The following PVALB variants were observed in gnomAD, a reference collection of about 807,000 sequenced individuals.
The protein encoded by PVALB is parvalbumin alpha.
Under a neutral mutation model 10.9 loss-of-function variants are expected in PVALB, and 11 were observed. The observed-to-expected ratio is 1.01, with a 90% CI of 0.63 to 1.67. PVALB has a LOEUF of 1.67. Among genes scored for constraint, PVALB ranks in the 40% most tolerant of loss-of-function variants. The pLI is 0.00. For missense variants in PVALB, 131 were observed against 136.2 expected (o/e 0.96, Z 0.19); for synonymous variants, 57 against 50.7 (o/e 1.12, Z -0.53).
intron 2 of PVALB, among the ~76,000 whole-genome samples, 154 bp downstream of exon 2, chr22:36,814,949 C>A (rs1437201833): frequency 6.6e-6 from 1 of 152,134 alleles, no homozygotes; most frequent in East Asian, 1.9e-4. Flanking sequence ...TCCCCTGGTG[C>A]CCTGGGTCGG....
At chr22:36,816,881 G>C in intron 1 of PVALB, 64 bp downstream of exon 1, 2 of 1,401,968 alleles carry the variant, frequency 1.4e-6, no homozygotes, top group Non-Finnish European at 9.7e-7. Context: ...CGGGGCCGGC[G>C]GAGTGCAGGG....
At chr22:36,802,119 C>T (rs778102021) in intron 3 of PVALB, among the ~76,000 whole-genome samples, 2 of 152,192 alleles carry the variant, frequency 1.3e-5, no homozygotes, top group Non-Finnish European at 2.9e-5. Context: ...CCCACCTATC[C>T]AGTTTCTTAG....
rs72164769 is a variant in PVALB at position 36,811,275 on chromosome 22, CTAAATAAATAAATAAA to C, written c.304+2355_304+2370del. ...CCTGGGTGACAGAGAGAGACTGTCT[CTAAATAAATAAATAAA>C]TAAATAAATAAATAAATAAGGCATT... On this transcript the variant is annotated intron_variant, in intron 3 of 3. Coordinates refer to ENST00000417718, the MANE Select transcript of PVALB (RefSeq NM_001315532.2). 4.3e-3 allele frequency among the ~76,000 whole-genome samples: 644 copies of C among 148,180 alleles called. 3 individuals are homozygous for C. The highest frequency in any genetic ancestry group is 0.015 in the African/African-American group (615 of 40,078).
At chr22:36,805,670 TA>T (rs1237663826) in intron 3 of PVALB, among the ~76,000 whole-genome samples, 1 of 152,160 alleles carries the variant, frequency 6.6e-6, no homozygotes, top group Non-Finnish European at 1.5e-5. Flanking sequence ...TTCTCATTTG[TA>T]AAGTGGGTAT....
At chr22:36,814,195 C>T (rs915234829) in intron 2 of PVALB, among the ~76,000 whole-genome samples, 4 of 151,736 alleles carry the variant, frequency 2.6e-5, no homozygotes, top group Admixed American at 6.6e-5. Context: ...TGCCCACCTG[C>T]GGTGAGGGGA....
intron 3 of PVALB, among the ~76,000 whole-genome samples, chr22:36,812,623 C>A (rs1207799310): frequency 6.7e-6 from 1 of 150,364 alleles, no homozygotes; most frequent in Admixed American, 6.6e-5. Flanking sequence ...TCAAATTACG[C>A]AAGGTCACAC....
intron 3 of PVALB, chr22:36,811,579 G>C (rs1939047203): frequency 8.7e-6 from 4 of 457,618 alleles, no homozygotes; most frequent in South Asian, 1.6e-5. Context: ...GGGAGGGAGG[G>C]AGGGAGGCAG....
In PVALB at chr22:36,800,783, A is replaced by G. The variant is rs964789045; in HGVS notation, c.*107T>C. 7.6e-7 allele frequency: 1 copy of G among 1,316,118 alleles called. No individual in the cohort carries two copies. 81.5% of individuals were successfully genotyped at this position (1,316,118 alleles called of 1,614,324 possible). A position where few individuals can be genotyped will look rare whatever the true frequency, so the allele number is the denominator to read the frequency against. On this transcript the variant is annotated 3_prime_UTR_variant, in exon 4 of 4. Coordinates refer to ENST00000417718, the MANE Select transcript of PVALB (RefSeq NM_001315532.2). ...AGAGGGCCACAGGGGATGGGGGAGTAAAAAATAACATAAACGAACTGAACA... is the reference window on the plus strand; with the variant it reads ...AGAGGGCCACAGGGGATGGGGGAGTGAAAAATAACATAAACGAACTGAACA...
chr22:36,810,009 T>C (rs1447371979), intron 3 of PVALB, among the ~76,000 whole-genome samples: 2 of 152,044 alleles, frequency 1.3e-5, no homozygotes, highest in African/African-American at 4.8e-5. Context: ...CTCAGCCTCT[T>C]GAGTAGCTGG....
chr22:36,817,654 G>C (rs1402230745), upstream of PVALB: 1 of 153,616 alleles, frequency 6.5e-6, no homozygotes, highest in Non-Finnish European at 1.5e-5. Context: ...CCCACTTCGG[G>C]TGCCCCATCC....
chr22:36,804,429 C>T (rs1938919485), intron 3 of PVALB, among the ~76,000 whole-genome samples: 1 of 152,236 alleles, frequency 6.6e-6, no homozygotes, highest in Non-Finnish European at 1.5e-5. Flanking sequence ...ACAGTAGCCA[C>T]ATGCGCTGGC....
chr22:36,805,714 C>A (rs1040609315), intron 3 of PVALB, among the ~76,000 whole-genome samples: 3 of 152,168 alleles, frequency 2.0e-5, no homozygotes, highest in African/African-American at 7.2e-5. Context: ...ATTAGAAAGA[C>A]CAGATGGGGT....
chr22:36,816,707 C>T lies in PVALB; in HGVS notation c.61+238G>A, dbSNP rs1042318361. Among the ~76,000 whole-genome samples, 9 of 152,346 alleles carry T rather than the reference C, an allele frequency of 5.9e-5. No homozygotes were observed. In the East Asian group the frequency reaches 1.7e-3, roughly 29 times the overall value. ...CCAGCCACCGGGCCTTCAGCACCCTCAAGTTTCTGTAACTTAGGCGGGGCG... is the reference window on the plus strand; with the variant it reads ...CCAGCCACCGGGCCTTCAGCACCCTTAAGTTTCTGTAACTTAGGCGGGGCG... On this transcript the variant is annotated intron_variant, in intron 1 of 3. Transcript: ENST00000417718.
chr22:36,806,612 G>C (rs1016148032), intron 3 of PVALB, among the ~76,000 whole-genome samples: 23 of 152,036 alleles, frequency 1.5e-4, no homozygotes, highest in Non-Finnish European at 2.5e-4. Context: ...TAGCTCCCGG[G>C]CTCGGTTTCT....
At chr22:36,806,011 T>C (rs1938943462) in intron 3 of PVALB, among the ~76,000 whole-genome samples, 1 of 152,016 alleles carries the variant, frequency 6.6e-6, no homozygotes, top group African/African-American at 2.4e-5. Context: ...TCCTCATCTA[T>C]AAAATGGGGA....
At position 36,816,932 on chromosome 22, in the gene PVALB, C is replaced by A. The variant is rs1366916548; in HGVS notation, c.61+13G>T. 4 of 1,596,774 alleles carry A rather than the reference C, an allele frequency of 2.5e-6. No homozygotes were observed. The highest frequency in any genetic ancestry group is 1.7e-5 in the Admixed American group (1 of 59,088). On this transcript the variant is annotated intron_variant, in intron 1 of 3. Coordinates refer to ENST00000417718, the MANE Select transcript of PVALB (RefSeq NM_001315532.2). ...GAGGGGAGAGGGATGGGGAGGGGAG[C>A]GCGCTTGCTCACCGCTAAAGGCTCC... is the stretch of plus-strand genomic sequence containing the variant.
At position 36,811,211 on chromosome 22, in the gene PVALB, G is replaced by A. The variant is rs1195159018; in HGVS notation, c.304+2435C>T. ...GGGAATTGCTTAAACCCAGGAGGCAGAGGTTGCAGAGAGCTGAGATTACAC... is the reference window on the plus strand; with the variant it reads ...GGGAATTGCTTAAACCCAGGAGGCAAAGGTTGCAGAGAGCTGAGATTACAC... On this transcript the variant is annotated intron_variant, in intron 3 of 3. Coordinates refer to ENST00000417718, the MANE Select transcript of PVALB (RefSeq NM_001315532.2). Among the ~76,000 whole-genome samples, 2 of 152,174 alleles carry A rather than the reference G, an allele frequency of 1.3e-5. 1 individual carries two copies. The highest frequency in any genetic ancestry group is 3.8e-4 in the East Asian group (2 of 5,196).
intron 3 of PVALB, among the ~76,000 whole-genome samples, chr22:36,805,629 A>G (rs1048559511): frequency 3.3e-5 from 5 of 152,214 alleles, no homozygotes; most frequent in African/African-American, 1.2e-4. Flanking sequence ...GGTGGCCATC[A>G]GTCACTACTT....
At chr22:36,811,910 A>G (rs555912681) in intron 3 of PVALB, among the ~76,000 whole-genome samples, 2 of 152,228 alleles carry the variant, frequency 1.3e-5, no homozygotes, top group South Asian at 4.2e-4. Flanking sequence ...CTTCCCAGCC[A>G]CAAGAAGGGC....
Sources: allele counts gnomAD v4.1 joint callset (sites outside exome capture counted in the v4.1 genomes callset), GRCh38; gene constraint gnomAD v4.1.1; transcripts MANE v1.5; gene names NCBI Gene and HGNC (gene_info 2026-07-23, HGNC 2026-07-21).